The following CTTNBP2 variants were observed in gnomAD, a reference collection of about 807,000 sequenced individuals.
CTTNBP2 encodes cortactin binding protein 2, also known as cortactin-binding protein 2.
In CTTNBP2, 108 loss-of-function variants were observed where a neutral mutation model predicts 156.9. The ratio of observed to expected loss-of-function variants is 0.69; its 90% CI spans 0.59 to 0.81. The LOEUF (loss-of-function observed/expected upper bound fraction) is 0.81, where lower values mean the gene tolerates loss of function less well. Ranked by LOEUF, CTTNBP2 falls within the 30% of genes least tolerant of loss-of-function variation. The pLI, the probability that CTTNBP2 is intolerant of heterozygous loss-of-function variation, is 0.00. For synonymous variants in CTTNBP2, 767 were observed against 751.8 expected, an observed-to-expected ratio of 1.02 and a Z score of -0.33; for missense variants, 1,924 against 2,035.4, an observed-to-expected ratio of 0.95 and a Z score of 1.05.
chr7:117,727,624 T>G, intron 17 of CTTNBP2, among the ~76,000 whole-genome samples: 1 of 152,228 alleles, frequency 6.6e-6, no homozygotes, highest in Non-Finnish European at 1.5e-5. Context: ...TTTTTCTCAT[T>G]TCAACTTTCT....
Position 117,745,852 on chromosome 7 carries a change from G to A in CTTNBP2, c.3514C>T (p.Leu1172=). ...VDAGFSKEQL[L]DLFISSACLI... is the part of the protein sequence containing the mutation. ...TTACCGCTACTAATGAACAGGTCTA[G>A]TAGCTGTTCCTTGGAAAAACCAGCA... Residue 1172 remains leucine (L), a synonymous_variant, in exon 14 of 23, where the codon CTA becomes TTA. Transcript: ENST00000160373. The A allele has an allele frequency of 6.2e-7, 1 of 1,613,058 alleles. No homozygotes were observed. Among genetic ancestry groups the A allele is most frequent in the Non-Finnish European group, 8.5e-7 (1 of 1,179,016 alleles).
At chr7:117,825,753 T>G (rs1452772891) in intron 2 of CTTNBP2, among the ~76,000 whole-genome samples, 1 of 152,140 alleles carries the variant, frequency 6.6e-6, no homozygotes, top group African/African-American at 2.4e-5. Flanking sequence ...TGTTGTTGCT[T>G]TGAAGAAGAA....
At chr7:117,760,323 CAAGT>C in intron 10 of CTTNBP2, 108 bp downstream of exon 10, 2 of 1,057,728 alleles carry the variant, frequency 1.9e-6, no homozygotes, top group Non-Finnish European at 2.7e-6. Flanking sequence ...GCAGCTGCCA[CAAGT>C]AAGCTTTGAA....
chr7:117,800,641 T>G (rs955998337), intron 3 of CTTNBP2, among the ~76,000 whole-genome samples: 1 of 152,020 alleles, frequency 6.6e-6, no homozygotes, highest in Non-Finnish European at 1.5e-5. Flanking sequence ...TATACTGAAG[T>G]ACAGTGAAAA....
intron 3 of CTTNBP2, among the ~76,000 whole-genome samples, chr7:117,808,277 T>C (rs1340065806): frequency 2.0e-5 from 3 of 151,520 alleles, no homozygotes; most frequent in Non-Finnish European, 2.9e-5. Flanking sequence ...TAAAAGATGA[T>C]AGACAAGATT....
chr7:117,792,874 A>G lies in CTTNBP2; in HGVS notation c.415-93T>C. 1 of 909,632 alleles carries G rather than the reference A, an allele frequency of 1.1e-6. No homozygotes were observed. Among genetic ancestry groups the G allele is most frequent in the East Asian group, 2.9e-5 (1 of 34,964 alleles). The allele number at this position is 909,632 out of a possible 1,614,324, so 56.3% of individuals were successfully genotyped here. A position where few individuals can be genotyped will look rare whatever the true frequency, so the allele number is the denominator to read the frequency against. ...TTGTGAGATTTTTATTAATTTTCTA[A>G]CAATTACATAACTCGGGTTAGCAAA... On this transcript the variant is annotated intron_variant, in intron 3 of 22. Transcript: ENST00000160373. This position sits in a 1 kb window ranked among gnomAD's most constrained non-coding sequence, Gnocchi z 4.2.
At chr7:117,724,936 T>C (rs1216889180) in intron 18 of CTTNBP2, 116 bp downstream of exon 18, 3 of 1,082,592 alleles carry the variant, frequency 2.8e-6, no homozygotes, top group African/African-American at 3.2e-5. Context: ...TCTGGAACAC[T>C]GCTATAAGAT....
At chr7:117,810,705 G>C in intron 3 of CTTNBP2, 60 bp downstream of exon 3, 1 of 1,338,364 alleles carries the variant, frequency 7.5e-7, no homozygotes. Flanking sequence ...CAACTTTGGA[G>C]GTGATCTCCT....
At chr7:117,833,545 C>T (rs1279489457) in intron 2 of CTTNBP2, among the ~76,000 whole-genome samples, 1 of 152,196 alleles carries the variant, frequency 6.6e-6, no homozygotes, top group Non-Finnish European at 1.5e-5. Flanking sequence ...CCTTCAAGAG[C>T]CACAGTGTCT....
intron 12 of CTTNBP2, among the ~76,000 whole-genome samples, chr7:117,752,688 TAATC>T (rs1796674187): frequency 6.6e-6 from 1 of 152,218 alleles, no homozygotes; most frequent in Non-Finnish European, 1.5e-5. Flanking sequence ...CTGCAATGCT[TAATC>T]AATAGGCTAA....
At chr7:117,835,192 G>C (rs897366499) in intron 2 of CTTNBP2, among the ~76,000 whole-genome samples, 3 of 152,218 alleles carry the variant, frequency 2.0e-5, no homozygotes, top group Admixed American at 1.3e-4. Flanking sequence ...TGCAGAAATA[G>C]GAATGAGTCT....
At chr7:117,867,825 T>A (rs1204744285) in intron 1 of CTTNBP2, among the ~76,000 whole-genome samples, 1 of 152,152 alleles carries the variant, frequency 6.6e-6, no homozygotes, top group African/African-American at 2.4e-5. Context: ...GTCATGCACC[T>A]CAAATCAACC....
chr7:117,810,857 G>T lies in CTTNBP2; in HGVS notation c.322C>A (p.Leu108Ile). ...KEKKPVCTNP[L>I]SILEAVMAHC... is the part of the protein sequence containing the mutation. Reference sequence around the variant, plus strand: ...GCCATGACTGCTTCAAGGATGGAGAGGGGGTTGGTACAAACTGGCTTCTTC... The same window carrying T: ...GCCATGACTGCTTCAAGGATGGAGATGGGGTTGGTACAAACTGGCTTCTTC... The change falls in exon 3 of 23, where the codon CTC becomes ATC. Residue 108 changes from leucine to isoleucine, a missense_variant. Transcript: ENST00000160373. 1 of 1,614,094 alleles carries T rather than the reference G, an allele frequency of 6.2e-7. No homozygotes were observed. Among genetic ancestry groups the T allele is most frequent in the Non-Finnish European group, 8.5e-7 (1 of 1,180,018 alleles).
At chr7:117,768,115 A>G (rs1554419371) in intron 8 of CTTNBP2, among the ~76,000 whole-genome samples, 1 of 140,704 alleles carries the variant, frequency 7.1e-6, no homozygotes, top group Non-Finnish European at 1.6e-5. Context: ...ACACACACAC[A>G]CCCACTTGGA....
chr7:117,722,288 C>G (rs558325812), intron 19 of CTTNBP2, among the ~76,000 whole-genome samples: 1 of 150,564 alleles, frequency 6.6e-6, no homozygotes, highest in Non-Finnish European at 1.5e-5. Flanking sequence ...AAAGTCACCC[C>G]AACCATTGTA....
At chr7:117,859,737 C>T (rs1803583594) in intron 2 of CTTNBP2, among the ~76,000 whole-genome samples, 1 of 152,192 alleles carries the variant, frequency 6.6e-6, no homozygotes, top group Admixed American at 6.5e-5. Context: ...AAGCAAACTG[C>T]AAATGTCTAC....
chr7:117,735,252 C>G lies in CTTNBP2; in HGVS notation c.3688+17G>C. On this transcript the variant is annotated intron_variant, in intron 15 of 22. Transcript: ENST00000160373. ...ACAGAAGCTTGCTTCTCAGCATGGT[C>G]CCTTTATTAGCGTTACCTTTTTGGA... 1 of 1,609,484 alleles carries G rather than the reference C, an allele frequency of 6.2e-7. No homozygotes were observed.
chr7:117,740,069 T>C (rs996867729), intron 14 of CTTNBP2, among the ~76,000 whole-genome samples: 2 of 152,104 alleles, frequency 1.3e-5, no homozygotes, highest in African/African-American at 4.8e-5. Flanking sequence ...CTAATTCTAA[T>C]ATGCATTCAC....
Position 117,746,081 on chromosome 7 carries a change from C to T in CTTNBP2, c.3367G>A (p.Val1123Ile). 1.9e-6 allele frequency: 3 copies of T among 1,613,804 alleles called. No homozygotes were observed. The highest frequency in any genetic ancestry group is 1.6e-4 in the Middle Eastern group (1 of 6,062). The stretch of plus-strand genomic sequence containing the variant: ...CTTCCTTCTGGGCCGTGGAAAATGA[C>T]ATTATGATATTGCTCAACCTATTAA... ...YLRLVEQYHN[V>I]IFHGPEGSLQ... The change falls in exon 13 of 23, where the codon GTC (valine) becomes ATC (isoleucine). Residue 1123 changes from valine to isoleucine, a missense_variant. Transcript: ENST00000160373.
Sources: allele counts gnomAD v4.1 joint callset (sites outside exome capture counted in the v4.1 genomes callset), GRCh38; gene constraint gnomAD v4.1.1; non-coding constraint Gnocchi (gnomAD v3.1); transcripts MANE v1.5; gene names NCBI Gene and HGNC (gene_info 2026-07-23, HGNC 2026-07-21).